Variants in KCNH8 observed in about 807,000 individuals in gnomAD.
The protein encoded by KCNH8 is potassium voltage-gated channel subfamily H member 8, also known as voltage-gated delayed rectifier potassium channel KCNH8.
A neutral mutation model predicts 103.6 loss-of-function variants in KCNH8; 70 were observed. That is an observed-to-expected ratio of 0.68 (90% CI 0.56 to 0.82). The LOEUF (loss-of-function observed/expected upper bound fraction) is 0.82. KCNH8 is among the 40% of genes least tolerant of loss of function. The pLI, the probability that KCNH8 is intolerant of heterozygous loss-of-function variation, is 0.00. For synonymous variants in KCNH8, 498 were observed against 489.4 expected (o/e 1.02, Z -0.23); for missense variants, 1,217 against 1,329.9 (o/e 0.92, Z 1.32).
intron 3 of KCNH8, among the ~76,000 whole-genome samples, chr3:19,302,653 A>G (rs1164444040): frequency 6.6e-6 from 1 of 152,198 alleles, no homozygotes; most frequent in African/African-American, 2.4e-5. Flanking sequence ...AAATGCCATT[A>G]GAAAGCCATC....
chr3:19,232,650 C>T (rs1032445920), intron 1 of KCNH8, among the ~76,000 whole-genome samples: 7 of 152,162 alleles, frequency 4.6e-5, no homozygotes, highest in African/African-American at 1.4e-4. Context: ...CACTGTTTCC[C>T]GTTTGGCTTA....
At chr3:19,278,423 G>T (rs544451610) in intron 2 of KCNH8, among the ~76,000 whole-genome samples, 14 of 143,432 alleles carry the variant, frequency 9.8e-5, no homozygotes, top group Non-Finnish European at 1.8e-4. Flanking sequence ...GGGAGGGAAG[G>T]AGGGAGAGAT....
chr3:19,232,442 A>G (rs1237165555), intron 1 of KCNH8, among the ~76,000 whole-genome samples: 1 of 152,228 alleles, frequency 6.6e-6, no homozygotes, highest in East Asian at 1.9e-4. Flanking sequence ...ACGTGTTATG[A>G]AACTTCAGCC....
At chr3:19,203,441 T>C (rs922051131) in intron 1 of KCNH8, among the ~76,000 whole-genome samples, 1 of 152,030 alleles carries the variant, frequency 6.6e-6, no homozygotes, top group South Asian at 2.1e-4. Flanking sequence ...ATTGAGAACA[T>C]ATTTTATGTA....
At chr3:19,231,328 T>C (rs1483910971) in intron 1 of KCNH8, among the ~76,000 whole-genome samples, 1 of 152,196 alleles carries the variant, frequency 6.6e-6, no homozygotes, top group Non-Finnish European at 1.5e-5. Flanking sequence ...TTCACTAGTG[T>C]AGTGTCCTTA....
At chr3:19,215,806 G>A (rs886533845) in intron 1 of KCNH8, among the ~76,000 whole-genome samples, 1 of 152,158 alleles carries the variant, frequency 6.6e-6, no homozygotes, top group Non-Finnish European at 1.5e-5. Context: ...ATTTACCCAC[G>A]TCAGAAAGGT....
At chr3:19,316,308 T>G (rs189990249) in intron 3 of KCNH8, among the ~76,000 whole-genome samples, 1 of 151,952 alleles carries the variant, frequency 6.6e-6, no homozygotes, top group African/African-American at 2.4e-5. Flanking sequence ...CACACACAAG[T>G]TTAAACAACC....
chr3:19,178,561 G>C (rs1030962586), intron 1 of KCNH8, among the ~76,000 whole-genome samples: 2 of 152,136 alleles, frequency 1.3e-5, no homozygotes, highest in African/African-American at 2.4e-5. Flanking sequence ...CAAATGGAAA[G>C]CCTGCTTCAT....
chr3:19,194,256 G>C (rs2063579841), intron 1 of KCNH8, among the ~76,000 whole-genome samples: 1 of 151,716 alleles, frequency 6.6e-6, no homozygotes. Flanking sequence ...TATTTTTATT[G>C]GCTCTTGATA....
At position 19,513,251 on chromosome 3, in the gene KCNH8, T is replaced by TA; in HGVS notation, c.2365dup (p.Arg789LysfsTer15). 6.2e-7 allele frequency: 1 copy of TA among 1,613,460 alleles called. No homozygotes were observed. The highest frequency in any genetic ancestry group is 8.5e-7 in the Non-Finnish European group (1 of 1,179,844). On this transcript the variant is annotated frameshift_variant, in exon 13 of 16. Coordinates refer to ENST00000328405, the MANE Select transcript of KCNH8 (RefSeq NM_144633.3). LOFTEE classifies it high-confidence loss of function. ...AGGAAATTGACCCCCCCAACCATAA[T>TA]AAAAGGAAAGAGAAGAACTTGAAAT...
chr3:19,381,221 C>G (rs1430272914), intron 5 of KCNH8, among the ~76,000 whole-genome samples: 2 of 151,900 alleles, frequency 1.3e-5, no homozygotes, highest in African/African-American at 2.4e-5. Context: ...ATACAGAGAT[C>G]ATAAATGAAT....
rs537799698 is a variant in KCNH8 at position 19,524,162 on chromosome 3, A to ATATC, written c.2619+6090_2619+6093dup. On this transcript the variant is annotated intron_variant, in intron 15 of 15. Coordinates refer to ENST00000328405, the MANE Select transcript of KCNH8 (RefSeq NM_144633.3). ...AGTCCTCTGAATTAGTGTTGCCATTATATCTTTTCATTGACAATTGAGTCA... is the reference window on the plus strand; with the variant it reads ...AGTCCTCTGAATTAGTGTTGCCATTATATCTATCTTTTCATTGACAATTGAGTCA... Among the ~76,000 whole-genome samples the ATATC allele has an allele frequency of 2.1e-4, 32 of 152,018 alleles. 1 individual carries two copies. In the South Asian group the frequency reaches 5.6e-3, roughly 27 times the overall value.
chr3:19,238,165 C>A (rs1361133475), intron 1 of KCNH8, among the ~76,000 whole-genome samples: 1 of 152,156 alleles, frequency 6.6e-6, no homozygotes, highest in African/African-American at 2.4e-5. Flanking sequence ...AGTATTAGTT[C>A]TTTTGGTAAC....
chr3:19,530,053 G>C (rs1027079095), intron 15 of KCNH8, among the ~76,000 whole-genome samples: 1 of 152,130 alleles, frequency 6.6e-6, no homozygotes, highest in Non-Finnish European at 1.5e-5. Context: ...TGGTAAGCCA[G>C]GCACAGAAAG....
chr3:19,207,665 G>A (rs779888638), intron 1 of KCNH8, among the ~76,000 whole-genome samples: 4 of 151,870 alleles, frequency 2.6e-5, no homozygotes, highest in African/African-American at 9.7e-5. Context: ...TTTTTATGAC[G>A]TTCCTTTTCA....
intron 11 of KCNH8, among the ~76,000 whole-genome samples, chr3:19,464,210 T>C (rs2067690488): frequency 6.6e-6 from 1 of 152,108 alleles, no homozygotes; most frequent in Non-Finnish European, 1.5e-5. Flanking sequence ...ACAATTTCAA[T>C]AGAACAGGTT....
intron 2 of KCNH8, among the ~76,000 whole-genome samples, chr3:19,278,315 A>C (rs934599796): frequency 1.3e-5 from 2 of 151,976 alleles, no homozygotes; most frequent in African/African-American, 4.8e-5. Context: ...AAAATTGAGA[A>C]AGAAAAGCAT....
chr3:19,168,007 A>G (rs966275189), intron 1 of KCNH8, among the ~76,000 whole-genome samples: 2 of 141,644 alleles, frequency 1.4e-5, no homozygotes, highest in African/African-American at 5.2e-5. Flanking sequence ...ACCTCTCTCC[A>G]CTTCTTTTTT....
intron 5 of KCNH8, among the ~76,000 whole-genome samples, chr3:19,354,319 A>T (rs570891345): frequency 6.6e-6 from 1 of 152,318 alleles, no homozygotes; most frequent in African/African-American, 2.4e-5. Context: ...GGTAATTTAT[A>T]GACTCAATGC....
Sources: allele counts gnomAD v4.1 joint callset (sites outside exome capture counted in the v4.1 genomes callset), GRCh38; gene constraint gnomAD v4.1.1; transcripts MANE v1.5; gene names NCBI Gene and HGNC (gene_info 2026-07-23, HGNC 2026-07-21).